The following MRAS variants were observed in gnomAD, a reference collection of about 807,000 sequenced individuals.
MRAS encodes the protein ras-related protein M-Ras.
Under a neutral mutation model 20.9 loss-of-function variants are expected in MRAS, and 4 were observed. The observed-to-expected ratio is 0.19, with a 90% confidence interval of 0.09 to 0.44. The LOEUF (loss-of-function observed/expected upper bound fraction) is 0.44, where lower values mean the gene tolerates loss of function less well. Among genes scored for constraint, MRAS ranks in the 20% least tolerant of loss-of-function variants. The probability of loss-of-function intolerance (pLI) is 0.99; values close to 1 mark genes in which losing one functional copy is unlikely to be tolerated. For missense variants in MRAS, 154 were observed against 277.5 expected (o/e 0.56, Z 3.16); for synonymous variants, 98 against 102.9 (o/e 0.95, Z 0.29).
chr3:138,391,471 C>G (rs961296607), intron 2 of MRAS, among the ~76,000 whole-genome samples: 6 of 152,310 alleles, frequency 3.9e-5, no homozygotes, highest in South Asian at 2.1e-4. Context: ...AATCTGAAAT[C>G]TGAAAGGATT....
In MRAS at chr3:138,372,803, A is replaced by G. The variant is rs2054702395; in HGVS notation, c.-18-63A>G. 2.0e-5 allele frequency: 23 copies of G among 1,174,494 alleles called. No homozygotes were observed. In the South Asian group the frequency reaches 3.5e-4, roughly 18 times the overall value. 72.8% of individuals were successfully genotyped at this position (1,174,494 alleles called of 1,614,324 possible). On this transcript the variant is annotated intron_variant, in intron 1 of 5. Transcript: ENST00000423968. ...ATTACTTTATAAAGGAGGAAAACATATGAATATTTTCCCCTAAGTTAAAAA... is the reference window on the plus strand; with the variant it reads ...ATTACTTTATAAAGGAGGAAAACATGTGAATATTTTCCCCTAAGTTAAAAA...
intron 1 of MRAS, among the ~76,000 whole-genome samples, chr3:138,358,793 T>C (rs1427049219): frequency 1.3e-5 from 2 of 152,250 alleles, no homozygotes; most frequent in African/African-American, 4.8e-5. Context: ...TGGGAGACCC[T>C]GATAGTAATC....
intron 1 of MRAS, among the ~76,000 whole-genome samples, chr3:138,369,530 A>G (rs1331789868): frequency 6.6e-6 from 1 of 152,142 alleles, no homozygotes; most frequent in East Asian, 1.9e-4. Context: ...GCAGCCAGCG[A>G]CAGGCATTGA....
At chr3:138,361,356 G>A (rs1164919073) in intron 1 of MRAS, among the ~76,000 whole-genome samples, 2 of 152,182 alleles carry the variant, frequency 1.3e-5, no homozygotes, top group Non-Finnish European at 2.9e-5. Flanking sequence ...TCTGTGCTTG[G>A]GTTAGTTGGG....
chr3:138,352,562 C>G (rs1168916214), intron 1 of MRAS, among the ~76,000 whole-genome samples: 1 of 152,086 alleles, frequency 6.6e-6, no homozygotes, highest in African/African-American at 2.4e-5. Flanking sequence ...ATGTCCCTAT[C>G]ATTGTCTTTA....
At chr3:138,359,138 C>A (rs1479347541) in intron 1 of MRAS, among the ~76,000 whole-genome samples, 1 of 152,168 alleles carries the variant, frequency 6.6e-6, no homozygotes, top group African/African-American at 2.4e-5. Flanking sequence ...AATGGAGCAG[C>A]AAGCTGGTTA....
chr3:138,349,556 A>C (rs1264040937), intron 1 of MRAS: 2 of 152,450 alleles, frequency 1.3e-5, no homozygotes, highest in Non-Finnish European at 2.9e-5. Context: ...GCCTGGGGCA[A>C]AGTGGAGTCT....
chr3:138,383,123 A>G (rs2054939106), intron 2 of MRAS, among the ~76,000 whole-genome samples: 1 of 152,198 alleles, frequency 6.6e-6, no homozygotes, highest in Admixed American at 6.5e-5. Context: ...AAATGAAAAA[A>G]ATACAAATTG....
intron 1 of MRAS, among the ~76,000 whole-genome samples, chr3:138,371,044 T>C (rs1169941176): frequency 6.6e-6 from 1 of 152,206 alleles, no homozygotes; most frequent in East Asian, 1.9e-4. Context: ...ATTTCTATTT[T>C]CCCCCATTCT....
chr3:138,349,112 G>A (rs941520116), intron 1 of MRAS: 1 of 147,322 alleles, frequency 6.8e-6, no homozygotes, highest in African/African-American at 2.5e-5. Context: ...GGGATGGGTG[G>A]GTGGGTGGGG....
At chr3:138,377,583 T>C (rs954139474) in intron 2 of MRAS, among the ~76,000 whole-genome samples, 2 of 152,190 alleles carry the variant, frequency 1.3e-5, no homozygotes, top group African/African-American at 4.8e-5. Flanking sequence ...TGAACTTTTC[T>C]GGAGTGGTCT....
intron 1 of MRAS, among the ~76,000 whole-genome samples, chr3:138,356,829 G>C (rs2054344224): frequency 6.6e-6 from 1 of 152,164 alleles, no homozygotes. Context: ...CAGGTGCCCT[G>C]GCACTCCCAA....
chr3:138,394,512 G>T (rs77081541), intron 2 of MRAS, among the ~76,000 whole-genome samples: 1 of 152,044 alleles, frequency 6.6e-6, no homozygotes, highest in African/African-American at 2.4e-5. Flanking sequence ...AGGCATCGCT[G>T]GATAGCTTGT....
chr3:138,354,906 C>T (rs7639809), intron 1 of MRAS, among the ~76,000 whole-genome samples: 1 of 151,876 alleles, frequency 6.6e-6, no homozygotes, highest in Non-Finnish European at 1.5e-5. Context: ...TCAGCCTCCT[C>T]AGTAGCTGAG....
chr3:138,358,396 C>A (rs2108499755), intron 1 of MRAS, among the ~76,000 whole-genome samples: 1 of 152,140 alleles, frequency 6.6e-6, no homozygotes, highest in East Asian at 1.9e-4. Flanking sequence ...GAATTAGGCA[C>A]TCTAGACCTT....
At chr3:138,382,290 C>G (rs1415658880) in intron 2 of MRAS, among the ~76,000 whole-genome samples, 1 of 152,234 alleles carries the variant, frequency 6.6e-6, no homozygotes, top group East Asian at 1.9e-4. Flanking sequence ...GCTGACACAT[C>G]TCTTCCCAAA....
rs914005953 is a variant in MRAS at position 138,403,466 on chromosome 3, C to T, written c.*1197C>T. The stretch of plus-strand genomic sequence containing the variant: ...AGCCTAGTCAATGAGCAGACCCCTT[C>T]CAGTATTTGTAAAAGTAGTACTAGG... On this transcript the variant is annotated 3_prime_UTR_variant, in exon 6 of 6. Transcript: ENST00000423968. 6 of 152,452 alleles carry T rather than the reference C, an allele frequency of 3.9e-5. No homozygotes were observed. Among genetic ancestry groups the T allele is most frequent in the African/African-American group, 1.2e-4 (5 of 41,436 alleles). 9.4% of individuals were successfully genotyped at this position (152,452 alleles called of 1,614,324 possible).
chr3:138,399,745 C>T (rs2055320104), intron 4 of MRAS, among the ~76,000 whole-genome samples: 1 of 152,258 alleles, frequency 6.6e-6, no homozygotes, highest in Non-Finnish European at 1.5e-5. Flanking sequence ...TGCTCCCCGC[C>T]TTTGGGGAAT....
chr3:138,377,329 G>A lies in MRAS; in HGVS notation c.193+4253G>A, dbSNP rs369641329. Reference sequence around the variant, plus strand: ...CTATTAAGAAAAGGAAGACTTGGCCGGGTGCGGTGGCTCACGCCTGTAATC... The same window carrying A: ...CTATTAAGAAAAGGAAGACTTGGCCAGGTGCGGTGGCTCACGCCTGTAATC... On this transcript the variant is annotated intron_variant, in intron 2 of 5. Transcript: ENST00000423968. Among the ~76,000 whole-genome samples the A allele has an allele frequency of 4.3e-3, 658 of 152,314 alleles. 6 individuals are homozygous for A. Among genetic ancestry groups the A allele is most frequent in the Middle Eastern group, 0.014 (4 of 294 alleles).
Sources: allele counts gnomAD v4.1 joint callset (sites outside exome capture counted in the v4.1 genomes callset), GRCh38; gene constraint gnomAD v4.1.1; transcripts MANE v1.5; gene names NCBI Gene and HGNC (gene_info 2026-07-23, HGNC 2026-07-21).